The following VAT1L variants were observed in gnomAD, a reference collection of about 807,000 sequenced individuals.
VAT1L encodes the protein vesicle amine transport 1 like.
In VAT1L, 34 loss-of-function variants were observed where a neutral mutation model predicts 44.1. The observed-to-expected ratio is 0.77, with a 90% CI of 0.59 to 1.03. The LOEUF is 1.03. VAT1L is among the 50% of genes least tolerant of loss of function. VAT1L has a pLI of 0.00. For synonymous variants in VAT1L, 253 were observed against 202.2 expected (o/e 1.25, Z -2.13); for missense variants, 615 against 538.8 (o/e 1.14, Z -1.40).
chr16:77,889,268 C>G (rs2017239463), intron 7 of VAT1L, among the ~76,000 whole-genome samples: 1 of 152,124 alleles, frequency 6.6e-6, no homozygotes, highest in Non-Finnish European at 1.5e-5. Flanking sequence ...ATTAAAGTTT[C>G]CTCTTAGCCA....
chr16:77,944,292 G>A (rs773531992), intron 7 of VAT1L, among the ~76,000 whole-genome samples: 2 of 152,088 alleles, frequency 1.3e-5, no homozygotes, highest in Non-Finnish European at 2.9e-5. Flanking sequence ...TACTCTACTG[G>A]AATACTAGAG....
At chr16:77,955,927 G>T (rs925268258) in intron 7 of VAT1L, among the ~76,000 whole-genome samples, 3 of 152,154 alleles carry the variant, frequency 2.0e-5, no homozygotes, top group African/African-American at 4.8e-5. Flanking sequence ...CAAGCCTGTG[G>T]TTGTATGAAG....
chr16:77,912,081 T>G (rs1168469339), intron 7 of VAT1L, among the ~76,000 whole-genome samples: 2 of 152,156 alleles, frequency 1.3e-5, no homozygotes, highest in African/African-American at 4.8e-5. Context: ...TGTGACATAG[T>G]AGAAAGACAA....
At chr16:77,907,243 C>A (rs387469) in intron 7 of VAT1L, among the ~76,000 whole-genome samples, 16,699 of 152,184 alleles carry the variant, frequency 0.11, 1,233 homozygotes, top group East Asian at 0.2. Context: ...GTGCCCCATA[C>A]GTATTCCCTG....
chr16:77,954,213 T>C (rs1382071906), intron 7 of VAT1L, among the ~76,000 whole-genome samples: 2 of 152,196 alleles, frequency 1.3e-5, no homozygotes, highest in Non-Finnish European at 2.9e-5. Context: ...AAAGCTGAGA[T>C]CCGATTTCTT....
chr16:77,827,846 A>G (rs2016540706), intron 3 of VAT1L, among the ~76,000 whole-genome samples: 1 of 152,230 alleles, frequency 6.6e-6, no homozygotes, highest in Non-Finnish European at 1.5e-5. Flanking sequence ...AAGCTGTTAT[A>G]GTAAATGCAA....
chr16:77,817,275 T>C (rs546288016), intron 2 of VAT1L, among the ~76,000 whole-genome samples: 58 of 152,296 alleles, frequency 3.8e-4, no homozygotes, highest in African/African-American at 1.3e-3. Context: ...GCAGGACAAA[T>C]CTTGTCTCCC....
chr16:77,800,382 G>A (rs1024893491), intron 1 of VAT1L: 2 of 152,108 alleles, frequency 1.3e-5, no homozygotes, highest in Non-Finnish European at 2.9e-5. Flanking sequence ...CAATACATGG[G>A]ATTATCAGGT....
At chr16:77,789,632 G>T (rs2015796624) in intron 1 of VAT1L, among the ~76,000 whole-genome samples, 1 of 152,058 alleles carries the variant, frequency 6.6e-6, no homozygotes. Context: ...TGGTGAGGGT[G>T]GAGACCAGGG....
At chr16:77,813,652 G>T (rs1332785934) in intron 1 of VAT1L, among the ~76,000 whole-genome samples, 1 of 152,142 alleles carries the variant, frequency 6.6e-6, no homozygotes, top group Non-Finnish European at 1.5e-5. Flanking sequence ...TTCCACGTAT[G>T]CTTCCCCAAA....
intron 1 of VAT1L, among the ~76,000 whole-genome samples, chr16:77,809,527 A>G (rs1047375006): frequency 2.0e-5 from 3 of 152,136 alleles, no homozygotes; most frequent in African/African-American, 7.2e-5. Context: ...CTAACAGCAC[A>G]TGAGAGTGTG....
At chr16:77,936,709 T>C (rs923409182) in intron 7 of VAT1L, among the ~76,000 whole-genome samples, 5 of 152,128 alleles carry the variant, frequency 3.3e-5, no homozygotes, top group Non-Finnish European at 7.4e-5. Flanking sequence ...GCCAGGCTCC[T>C]CCCTGCTGCA....
rs539176321 is a variant in VAT1L at position 77,962,349 on chromosome 16, G to C, written c.1078-9501G>C. ...TGGTCTAGAAGTGTATGTGTTGGGG[G>C]AGACTTTGCTTTGCATGGCTGTCCC... On this transcript the variant is annotated intron_variant, in intron 7 of 8. Coordinates refer to ENST00000302536, the MANE Select transcript of VAT1L (RefSeq NM_020927.3). Among the ~76,000 whole-genome samples, 202 of 152,250 alleles carry C rather than the reference G, an allele frequency of 1.3e-3. 1 individual carries two copies. Among genetic ancestry groups the C allele is most frequent in the African/African-American group, 3.4e-3 (143 of 41,554 alleles).
At position 77,978,556 on chromosome 16, in the gene VAT1L, A is replaced by T. The variant is rs2018365717; in HGVS notation, c.*861A>T. The stretch of plus-strand genomic sequence containing the variant: ...TGCATTACCAATTCTGTAAATTTCA[A>T]TTCCTGGTGGAAAGTGACCACTTTG... On this transcript the variant is annotated 3_prime_UTR_variant, in exon 9 of 9. Transcript: ENST00000302536. 6.6e-6 allele frequency: 1 copy of T among 152,236 alleles called. No individual in the cohort carries two copies. Among genetic ancestry groups the T allele is most frequent in the African/African-American group, 2.4e-5 (1 of 41,456 alleles). The allele number at this position is 152,236 out of a possible 1,614,324, so 9.4% of individuals were successfully genotyped here.
chr16:77,919,589 C>G (rs2017589290), intron 7 of VAT1L, among the ~76,000 whole-genome samples: 1 of 152,116 alleles, frequency 6.6e-6, no homozygotes, highest in Admixed American at 6.5e-5. Flanking sequence ...CAATTGGTGG[C>G]TCTCATGCAG....
chr16:77,939,380 G>A (rs553804647), intron 7 of VAT1L, among the ~76,000 whole-genome samples: 8 of 152,284 alleles, frequency 5.3e-5, no homozygotes, highest in South Asian at 4.2e-4. Context: ...AAACCAGTGG[G>A]GGGCCGGAGG....
At chr16:77,936,751 AAGGATTAAAGAAAG>A (rs1463521431) in intron 7 of VAT1L, among the ~76,000 whole-genome samples, 1 of 152,122 alleles carries the variant, frequency 6.6e-6, no homozygotes, top group African/African-American at 2.4e-5. Context: ...TCCATCTTGT[AAGGATTAAAGAAAG>A]AGGAGAGGAA....
At chr16:77,882,447 G>T (rs1418846167) in intron 6 of VAT1L, 1 of 152,336 alleles carries the variant, frequency 6.6e-6, no homozygotes, top group South Asian at 2.1e-4. Context: ...TTCAAATTAA[G>T]ATAATAAAAG....
chr16:77,954,355 G>A lies in VAT1L; in HGVS notation c.1078-17495G>A, dbSNP rs534265075. Among the ~76,000 whole-genome samples, 10 of 152,258 alleles carry A rather than the reference G, an allele frequency of 6.6e-5. No homozygotes were observed. In the East Asian group the frequency reaches 1.5e-3, roughly 23 times the overall value. On this transcript the variant is annotated intron_variant, in intron 7 of 8. Coordinates refer to ENST00000302536, the MANE Select transcript of VAT1L (RefSeq NM_020927.3). ...AAAAGTGGAATGTCAGGCCGGGCGCGGTGGCTCACGCCTGTAATCCCAGCA... is the reference window on the plus strand; with the variant it reads ...AAAAGTGGAATGTCAGGCCGGGCGCAGTGGCTCACGCCTGTAATCCCAGCA...
Sources: gnomAD v4.1 joint callset for allele counts (sites outside exome capture counted in the v4.1 genomes callset) on GRCh38, gnomAD v4.1.1 for gene constraint, MANE v1.5 for transcripts, NCBI Gene and HGNC (gene_info 2026-07-23, HGNC 2026-07-21) for gene names.